The following RBKS variants were observed in gnomAD, a reference collection of about 807,000 sequenced individuals.
The protein encoded by RBKS is ribokinase.
Under a neutral mutation model 33.9 loss-of-function variants are expected in RBKS, and 33 were observed. The ratio of observed to expected loss-of-function variants is 0.97; its 90% CI spans 0.74 to 1.30. The LOEUF (loss-of-function observed/expected upper bound fraction) is 1.30, where lower values mean the gene tolerates loss of function less well. RBKS is among the 50% of genes most tolerant of loss of function. RBKS has a pLI of 0.00. For missense variants in RBKS, 361 were observed against 392.6 expected (o/e 0.92, Z 0.68); for synonymous variants, 125 against 143.0 (o/e 0.87, Z 0.90).
chr2:27,842,138 C>T (rs949564108), intron 5 of RBKS, among the ~76,000 whole-genome samples: 1 of 152,148 alleles, frequency 6.6e-6, no homozygotes, highest in Non-Finnish European at 1.5e-5. Context: ...TGACAAGGGA[C>T]AGAAATGGGA....
chr2:27,876,932 C>T (rs1224678915), intron 1 of RBKS, among the ~76,000 whole-genome samples: 2 of 152,038 alleles, frequency 1.3e-5, no homozygotes, highest in African/African-American at 4.8e-5. Flanking sequence ...GGAAATCGGT[C>T]CTTACTAGCA....
chr2:27,819,408 G>T (rs1678156831), intron 7 of RBKS, among the ~76,000 whole-genome samples: 1 of 152,076 alleles, frequency 6.6e-6, no homozygotes, highest in Admixed American at 6.5e-5. Context: ...AGTCACATTG[G>T]GGGTTAAGGC....
chr2:27,791,327 T>C (rs1677516760), intron 7 of RBKS, among the ~76,000 whole-genome samples: 1 of 152,162 alleles, frequency 6.6e-6, no homozygotes, highest in Admixed American at 6.5e-5. Flanking sequence ...AGACTGTCAT[T>C]TTAATTTGTA....
rs1006644267 is a variant in RBKS at position 27,867,497 on chromosome 2, C to A, written c.90-8926G>T. Among the ~76,000 whole-genome samples the A allele has an allele frequency of 3.3e-5, 5 of 151,996 alleles. 1 individual carries two copies. Among genetic ancestry groups the A allele is most frequent in the Non-Finnish European group, 7.4e-5 (5 of 68,012 alleles). ...TTATAAACTTAGTTGGGAATATGGT[C>A]AGAAAAATGGGGACGAAAAGGGGCA... On this transcript the variant is annotated intron_variant, in intron 1 of 7. Transcript: ENST00000302188.
At chr2:27,872,612 A>C (rs779548977) in intron 1 of RBKS, among the ~76,000 whole-genome samples, 8 of 152,212 alleles carry the variant, frequency 5.3e-5, no homozygotes, top group Non-Finnish European at 1.2e-4. Context: ...GGGAGAAAAA[A>C]GGTTAAACTC....
At position 27,848,043 on chromosome 2, in the gene RBKS, TATC is replaced by T; in HGVS notation, c.274_276del (p.Asp92del). 6.7e-7 allele frequency: 1 copy of T among 1,481,674 alleles called. No homozygotes were observed. Among genetic ancestry groups the T allele is most frequent in the Non-Finnish European group, 9.3e-7 (1 of 1,072,078 alleles). The allele number at this position is 1,481,674 out of a possible 1,614,324, so 91.8% of individuals were successfully genotyped here. On this transcript the variant is annotated inframe_deletion, in exon 3 of 8. Coordinates refer to ENST00000302188, the MANE Select transcript of RBKS (RefSeq NM_022128.3). ...AAGGTGGGAATTTTACCTGTAGAAATATCATTCTGTTTTAAGTTTTCTATATAA... is the reference window on the plus strand; with the variant it reads ...AAGGTGGGAATTTTACCTGTAGAAATATTCTGTTTTAAGTTTTCTATATAA...
Position 27,827,734 on chromosome 2 carries a change from T to G in RBKS, c.628A>C (p.Thr210Pro). The change falls in exon 7 of 8, where the codon ACG becomes CCG. Residue 210 changes from threonine to proline, a missense_variant. Physicochemically the swap from Thr to Pro is conservative, Grantham distance 38. Transcript: ENST00000302188. ...CCAGCATCTGCAGCGCTGCCCACCG[T>G]GAGGCCAGTTAAAATCTCAGCCTAG... ...ESEAEILTGL[T>P]VGSAADAGEA... The G allele has an allele frequency of 1.2e-6, 2 of 1,603,046 alleles. No individual in the cohort carries two copies. Among genetic ancestry groups the G allele is most frequent in the African/African-American group, 1.4e-5 (1 of 73,908 alleles).
At chr2:27,838,177 G>A (rs914535000) in intron 5 of RBKS, among the ~76,000 whole-genome samples, 4 of 152,156 alleles carry the variant, frequency 2.6e-5, no homozygotes, top group Non-Finnish European at 4.4e-5. Flanking sequence ...TCCAGCCTGG[G>A]CGGGCAGAAT....
chr2:27,809,711 A>G (rs1677957573), intron 7 of RBKS: 2 of 327,406 alleles, frequency 6.1e-6, no homozygotes, highest in Non-Finnish European at 1.2e-5. Context: ...TTCATCTTCT[A>G]ACAGCTGCTT....
At chr2:27,788,871 G>A (rs917718109) in intron 7 of RBKS, among the ~76,000 whole-genome samples, 2 of 152,138 alleles carry the variant, frequency 1.3e-5, no homozygotes, top group Non-Finnish European at 2.9e-5. Flanking sequence ...AACAAATGGT[G>A]AGAGTTTCAA....
rs1415443636 is a variant in RBKS at position 27,837,833 on chromosome 2, A to AGG, written c.515-5058_515-5057dup. Among the ~76,000 whole-genome samples, 1 of 152,156 alleles carries AGG rather than the reference A, an allele frequency of 6.6e-6. No homozygotes were observed. On this transcript the variant is annotated intron_variant, in intron 5 of 7. Coordinates refer to ENST00000302188, the MANE Select transcript of RBKS (RefSeq NM_022128.3). This position sits in a 1 kb window ranked among gnomAD's most constrained non-coding sequence, Gnocchi z 4.0. Reference sequence around the variant, plus strand: ...GACACTACAGAGTACTGGAGCAGGGAGGGGCACAGGTTGAAAAGCTACCTA... The same window carrying AGG: ...GACACTACAGAGTACTGGAGCAGGGAGGGGGGCACAGGTTGAAAAGCTACCTA...
intron 1 of RBKS, among the ~76,000 whole-genome samples, chr2:27,866,710 A>AT (rs1469406400): frequency 2.6e-5 from 4 of 151,744 alleles, no homozygotes; most frequent in Non-Finnish European, 5.9e-5. Flanking sequence ...TGCATTTTTC[A>AT]TTTTTTAGAC....
intron 7 of RBKS, among the ~76,000 whole-genome samples, chr2:27,813,817 C>T (rs1031220185): frequency 6.6e-6 from 1 of 152,020 alleles, no homozygotes; most frequent in African/African-American, 2.4e-5. Context: ...GAAGAAGAGT[C>T]ACGAGCAGTA....
chr2:27,827,737 G>C lies in RBKS; in HGVS notation c.625C>G (p.Leu209Val), dbSNP rs759119844. The C allele has an allele frequency of 6.4e-5, 103 of 1,602,248 alleles. No homozygotes were observed. The highest frequency in any genetic ancestry group is 8.8e-5 in the Non-Finnish European group (103 of 1,176,162). The change falls in exon 7 of 8, where the codon CTC becomes GTC. Residue 209 changes from leucine to valine, a missense_variant. Transcript: ENST00000302188. ...NESEAEILTGLTVGSAADAGE... is the reference protein window; with the variant it reads ...NESEAEILTGVTVGSAADAGE... ...GCATCTGCAGCGCTGCCCACCGTGA[G>C]GCCAGTTAAAATCTCAGCCTAGAAT...
At chr2:27,789,871 TGTGTGTGTGTGTGTGTGTGTGTGTATAGA>T (rs1468023148) in intron 7 of RBKS, among the ~76,000 whole-genome samples, 3 of 135,838 alleles carry the variant, frequency 2.2e-5, no homozygotes, top group Admixed American at 1.5e-4. Flanking sequence ...CCAGCTGATG[TGTGTGTGTGTGTGTGTGTGTGTGTATAGA>T]GTGTGTGTGT....
At chr2:27,809,100 T>C (rs952207115) in intron 7 of RBKS, among the ~76,000 whole-genome samples, 3 of 152,282 alleles carry the variant, frequency 2.0e-5, no homozygotes, top group Admixed American at 1.3e-4. Context: ...GTTCTTTGGC[T>C]GAAACTGGCT....
rs1558552249 is a variant in RBKS, at chr2:27,858,434, C to T, written c.222+5G>A. 2.5e-6 allele frequency: 4 copies of T among 1,609,522 alleles called. No homozygotes were observed. Among genetic ancestry groups the T allele is most frequent in the South Asian group, 2.2e-5 (2 of 90,752 alleles). On this transcript the variant is annotated splice_donor_5th_base_variant and intron_variant, in intron 2 of 7. Coordinates refer to ENST00000302188, the MANE Select transcript of RBKS (RefSeq NM_022128.3). ...AGAGTCCTCTCCACTATACTTTGTA[C>T]TTACCTTACACACCATGGACGTCAT...
chr2:27,865,873 T>G (rs747318928), intron 1 of RBKS, among the ~76,000 whole-genome samples: 1 of 152,238 alleles, frequency 6.6e-6, no homozygotes, highest in African/African-American at 2.4e-5. Flanking sequence ...CTTTGTGCTA[T>G]TGTCATACAT....
intron 7 of RBKS, among the ~76,000 whole-genome samples, chr2:27,800,900 C>T (rs566435085): frequency 6.6e-6 from 1 of 152,278 alleles, no homozygotes; most frequent in South Asian, 2.1e-4. Context: ...AATCCATTCC[C>T]CATGCTTTCA....
Sources: gnomAD v4.1 joint callset for allele counts (sites outside exome capture counted in the v4.1 genomes callset) on GRCh38, gnomAD v4.1.1 for gene constraint, Gnocchi (gnomAD v3.1) non-coding constraint, MANE v1.5 for transcripts, NCBI Gene and HGNC (gene_info 2026-07-23, HGNC 2026-07-21) for gene names.